Variants in KMT2D observed in about 807,000 individuals in gnomAD.
The protein encoded by KMT2D is lysine methyltransferase 2D.
In KMT2D, 55 loss-of-function variants were observed where a neutral mutation model predicts 512.7. The observed-to-expected ratio is 0.11, with a 90% CI of 0.09 to 0.13. The LOEUF is 0.13. Among genes scored for constraint, KMT2D ranks in the 10% least tolerant of loss-of-function variants. The pLI, the probability that KMT2D is intolerant of heterozygous loss-of-function variation, is 1.00. For synonymous variants in KMT2D, 2,995 were observed against 2,904.0 expected, an observed-to-expected ratio of 1.03 and a Z score of -1.01; for missense variants, 6,061 against 7,127.9, an observed-to-expected ratio of 0.85 and a Z score of 5.39.
rs758499959 is a variant in KMT2D, at chr12:49,050,405, T to C, written c.3183A>G (p.Val1061=). The C allele has an allele frequency of 5.0e-6, 8 of 1,613,586 alleles. No homozygotes were observed. Among genetic ancestry groups the C allele is most frequent in the Non-Finnish European group, 5.9e-6 (7 of 1,179,790 alleles). ...VPSPLSPIGK[V]VGVSDEAELH... ...GCTCAGCCTCATCTGAGACCCCCAC[T>C]ACCTTCCCTATGGGACTCAACGGGG... Residue 1061 remains valine, a synonymous_variant, in exon 12 of 55, where the codon GTA becomes GTG. Coordinates refer to ENST00000301067, the MANE Select transcript of KMT2D (RefSeq NM_003482.4).
Position 49,030,690 on chromosome 12 carries a change from G to A in KMT2D, c.13750C>T (p.Pro4584Ser). ...SLFAPFGSGCPVNGQSQLRGA... is the reference protein window; with the variant it reads ...SLFAPFGSGCSVNGQSQLRGA... ...CTCAGCTGGCTCTGCCCATTGACTG[G>A]GCAGCCACTGCCAAAGGGGGCAAAG... is the stretch of plus-strand genomic sequence containing the variant. The change falls in exon 42 of 55, where the codon CCA becomes TCA. Residue 4584 changes from proline (P) to serine (S), a missense_variant. Transcript: ENST00000301067. The A allele has an allele frequency of 6.2e-7, 1 of 1,613,512 alleles. No individual in the cohort carries two copies. The highest frequency in any genetic ancestry group is 8.5e-7 in the Non-Finnish European group (1 of 1,179,870).
chr12:49,019,023 G>A lies in KMT2D; in HGVS notation c.*2757C>T, dbSNP rs891027323. ...TATTTGTCGTTTAAAAACAAACTTGGAAGAAGCAAAATCCAAAACTTGCCC... is the reference window on the plus strand; with the variant it reads ...TATTTGTCGTTTAAAAACAAACTTGAAAGAAGCAAAATCCAAAACTTGCCC... On this transcript the variant is annotated 3_prime_UTR_variant, in exon 55 of 55. Coordinates refer to ENST00000301067, the MANE Select transcript of KMT2D (RefSeq NM_003482.4). The A allele has an allele frequency of 3.2e-5, 45 of 1,386,462 alleles. No homozygotes were observed. Among genetic ancestry groups the A allele is most frequent in the Non-Finnish European group, 4.0e-5 (43 of 1,072,888 alleles). 85.9% of individuals were successfully genotyped at this position (1,386,462 alleles called of 1,614,324 possible). A position where few individuals can be genotyped will look rare whatever the true frequency, so the allele number is the denominator to read the frequency against.
chr12:49,047,406 CTTTTTTTTTTTTTTTTT>C (rs57252968), intron 15 of KMT2D, among the ~76,000 whole-genome samples: 4 of 93,882 alleles, frequency 4.3e-5, no homozygotes, highest in Non-Finnish European at 7.8e-5. Flanking sequence ...CCAGTTTTTC[CTTTTTTTTTTTTTTTTT>C]TTTTTTTTGA....
rs754609531 is a variant in KMT2D, at chr12:49,039,738, C to G, written c.8032G>C (p.Glu2678Gln). 1.4e-5 allele frequency: 22 copies of G among 1,613,110 alleles called. No individual in the cohort carries two copies. Among genetic ancestry groups the G allele is most frequent in the Non-Finnish European group, 1.9e-5 (22 of 1,179,720 alleles). Reference sequence around the variant, plus strand: ...TGTCAACTTACCTGCCGTTGCTTCTCCAGCTCTGTTTGGCTAAGGCCGGAC... The same window carrying G: ...TGTCAACTTACCTGCCGTTGCTTCTGCAGCTCTGTTTGGCTAAGGCCGGAC... The part of the protein sequence containing the change: ...GMSGLSQTEL[E>Q]KQRQRQRLRE... Residue 2678 changes from glutamate (E) to glutamine (Q), a missense_variant, in exon 32 of 55, where the codon GAG (glutamate) becomes CAG (glutamine). Glu to Gln is a conservative substitution (Grantham distance 29). Around this residue, in one of 16 missense-constraint regions of KMT2D, gnomAD observed 527 missense variants for 578.9 expected, o/e 0.91. Coordinates refer to ENST00000301067, the MANE Select transcript of KMT2D (RefSeq NM_003482.4). The surrounding 1 kb of genome is among the most constrained non-coding windows in gnomAD (Gnocchi z 5.0).
rs1206140407 is a variant in KMT2D, at chr12:49,037,048, G to T, written c.10231+77C>A. The T allele has an allele frequency of 3.3e-6, 5 of 1,495,362 alleles. No individual in the cohort carries two copies. In the African/African-American group the frequency reaches 7.0e-5, roughly 21 times the overall value. The allele number at this position is 1,495,362 out of a possible 1,614,324, so 92.6% of individuals were successfully genotyped here. ...CCATCTTAAGTAGGGATTATCTGAGGTCTCTAGCCTCAGTGCCCATTTAGG... is the reference window on the plus strand; with the variant it reads ...CCATCTTAAGTAGGGATTATCTGAGTTCTCTAGCCTCAGTGCCCATTTAGG... On this transcript the variant is annotated intron_variant, in intron 35 of 54. Transcript: ENST00000301067.
At position 49,034,473 on chromosome 12, in the gene KMT2D, G is replaced by A. The variant is rs201127814; in HGVS notation, c.10444C>T (p.Arg3482Trp). The change falls in exon 38 of 55, where the codon CGG (arginine) becomes TGG (tryptophan). Residue 3482 changes from arginine to tryptophan, a missense_variant. Physicochemically the swap from Arg to Trp is moderately radical, Grantham distance 101. Transcript: ENST00000301067. ...NHVAAGSGQE[R>W]SAGDPSQPRP... ...GGCTGGGAGGGATCACCAGCACTCC[G>A]CTCCTGCAATGAGAGAGGCTGCTAA... 3.1e-5 allele frequency: 50 copies of A among 1,613,592 alleles called. No homozygotes were observed. In the African/African-American group the frequency reaches 4.9e-4, roughly 16 times the overall value.
chr12:49,039,216 C>T lies in KMT2D; in HGVS notation c.8366+6G>A, dbSNP rs749728191. ...TTTACCCCCAGGGAACCTCCTGGAG[C>T]CTCACCGGCTGTTCACATCCATAGA... On this transcript the variant is annotated splice_donor_region_variant and intron_variant, in intron 34 of 54. Coordinates refer to ENST00000301067, the MANE Select transcript of KMT2D (RefSeq NM_003482.4). This position sits in a 1 kb window ranked among gnomAD's most constrained non-coding sequence, Gnocchi z 5.0. 3 of 1,613,476 alleles carry T rather than the reference C, an allele frequency of 1.9e-6. No individual in the cohort carries two copies. Among genetic ancestry groups the T allele is most frequent in the East Asian group, 2.2e-5 (1 of 44,880 alleles).
At chr12:49,029,528 T>C in intron 43 of KMT2D, 52 bp from the exon 44 acceptor site, 4 of 1,338,430 alleles carry the variant, frequency 3.0e-6, no homozygotes, top group South Asian at 2.5e-5. Flanking sequence ...CCAGGGCTGA[T>C]GGTACCTTCT....
intron 43 of KMT2D, 50 bp from the exon 44 acceptor site, chr12:49,029,526 G>A (rs1167929765): frequency 1.5e-6 from 2 of 1,350,530 alleles, no homozygotes; most frequent in Non-Finnish European, 1.0e-6. Context: ...GGCCAGGGCT[G>A]ATGGTACCTT....
In KMT2D at chr12:49,032,940, T is replaced by G; in HGVS notation, c.11765A>C (p.Gln3922Pro). The change falls in exon 40 of 55, where the codon CAG (glutamine) becomes CCG (proline). Residue 3922 changes from glutamine (Q) to proline (P), a missense_variant. Gln to Pro is a moderately conservative substitution (Grantham distance 76). This residue lies in a region of KMT2D where 1,600 missense variants were observed against 1,754.9 expected (regional missense o/e 0.91). Transcript: ENST00000301067. ...CTGTTGCTGCTGAAGTTGCTGTTGC[T>G]GTTGTAGCTGCTGCTGCTGCTGCTG... ...LQQQQQQQLQ[Q>P]QQQLQQQQLQ... is the part of the protein sequence containing the mutation. 1 of 1,550,586 alleles carries G rather than the reference T, an allele frequency of 6.4e-7. No individual in the cohort carries two copies. Among genetic ancestry groups the G allele is most frequent in the South Asian group, 1.2e-5 (1 of 84,012 alleles).
rs1175519293 is a variant in KMT2D, at chr12:49,031,346, G to C, written c.13359C>G (p.Gly4453=). The stretch of plus-strand genomic sequence containing the variant: ...GCAGATGCCCAGCTTCTGAGCGAGG[G>C]CCTGCCAGCAGGAGGTGGTTGCTGG... The part of the protein sequence containing the change: ...PGTSNHLLLA[G]PRSEAGHLLL... Residue 4453 remains glycine (G), a synonymous_variant, in exon 40 of 55, where the codon GGC becomes GGG. Transcript: ENST00000301067. The C allele has an allele frequency of 6.2e-7, 1 of 1,613,536 alleles. No homozygotes were observed. The highest frequency in any genetic ancestry group is 1.7e-5 in the Admixed American group (1 of 60,026).
At position 49,029,164 on chromosome 12, in the gene KMT2D, C is replaced by T. The variant is rs1942759730; in HGVS notation, c.14148G>A (p.Gly4716=). ...GATGAGGGAAACGAGGGGCCTCCTC[C>T]CCCAAGATGCTCTCAGGGGATGAAG... ...VPASSPESIL[G]EEAPRFPHLG... The change falls in exon 45 of 55, where the codon GGG becomes GGA. Residue 4716 remains glycine (G), a synonymous_variant. Transcript: ENST00000301067. The T allele has an allele frequency of 6.2e-7, 1 of 1,613,766 alleles. No homozygotes were observed. Among genetic ancestry groups the T allele is most frequent in the African/African-American group, 1.3e-5 (1 of 74,938 alleles).
rs887898499 is a variant in KMT2D at position 49,026,654 on chromosome 12, G to A, written c.15312C>T (p.Cys5104=). The change falls in exon 49 of 55, where the codon TGC becomes TGT. Residue 5104 remains cysteine, a synonymous_variant. Coordinates refer to ENST00000301067, the MANE Select transcript of KMT2D (RefSeq NM_003482.4). This position sits in a 1 kb window ranked among gnomAD's most constrained non-coding sequence, Gnocchi z 9.6. The stretch of plus-strand genomic sequence containing the variant: ...AGACATTGGGGCAACGCATGCGATT[G>A]CAGCTGCTGGTGGCACCAGTTCGCT... ...LCQRTGATSS[C]NRMRCPNVYH... The A allele has an allele frequency of 7.4e-6, 12 of 1,613,914 alleles. No individual in the cohort carries two copies. The African/African-American group carries it at 1.5e-4, about 20-fold the overall frequency.
rs2120361421 is a variant in KMT2D, at chr12:49,026,659, T to G, written c.15307A>C (p.Ser5103Arg). Residue 5103 changes from serine to arginine, a missense_variant, in exon 49 of 55, where the codon AGC becomes CGC. Coordinates refer to ENST00000301067, the MANE Select transcript of KMT2D (RefSeq NM_003482.4). The surrounding 1 kb of genome is among the most constrained non-coding windows in gnomAD (Gnocchi z 9.6). ...TTGGGGCAACGCATGCGATTGCAGCTGCTGGTGGCACCAGTTCGCTGGCAC... is the reference window on the plus strand; with the variant it reads ...TTGGGGCAACGCATGCGATTGCAGCGGCTGGTGGCACCAGTTCGCTGGCAC... ...SLCQRTGATS[S>R]CNRMRCPNVY... is the part of the protein sequence containing the mutation. 6.2e-7 allele frequency: 1 copy of G among 1,614,048 alleles called. No individual in the cohort carries two copies. Among genetic ancestry groups the G allele is most frequent in the Non-Finnish European group, 8.5e-7 (1 of 1,179,908 alleles).
Position 49,022,216 on chromosome 12 carries a change from C to T in KMT2D, c.16412+64G>A, listed in dbSNP as rs1427098523. 10 of 1,599,106 alleles carry T rather than the reference C, an allele frequency of 6.3e-6. No homozygotes were observed. The highest frequency in any genetic ancestry group is 1.7e-4 in the Middle Eastern group (1 of 6,032). On this transcript the variant is annotated intron_variant, in intron 53 of 54. Coordinates refer to ENST00000301067, the MANE Select transcript of KMT2D (RefSeq NM_003482.4). The surrounding 1 kb of genome is among the most constrained non-coding windows in gnomAD (Gnocchi z 8.6). The stretch of plus-strand genomic sequence containing the variant: ...CTTGGGACAATTTTGATTCCTTGTT[C>T]GTCTATCCCCCAGAGTGCCACTCTC...
At position 49,052,438 on chromosome 12, in the gene KMT2D, A is replaced by G. The variant is rs199555464; in HGVS notation, c.1259-14T>C. 3.8e-5 allele frequency: 58 copies of G among 1,542,596 alleles called. No homozygotes were observed. The Admixed American group carries it at 8.8e-4, about 23-fold the overall frequency. Reference sequence around the variant, plus strand: ...CCCCTGCTTTCCCTGCAGACACAACAACACGATGCTCCTATCTAGCTCAGA... The same window carrying G: ...CCCCTGCTTTCCCTGCAGACACAACGACACGATGCTCCTATCTAGCTCAGA... On this transcript the variant is annotated splice_polypyrimidine_tract_variant and intron_variant, in intron 10 of 54. Coordinates refer to ENST00000301067, the MANE Select transcript of KMT2D (RefSeq NM_003482.4).
chr12:49,027,607 G>A (rs1420338867), intron 48 of KMT2D, among the ~76,000 whole-genome samples, 196 bp downstream of exon 48: 3 of 151,968 alleles, frequency 2.0e-5, no homozygotes, highest in African/African-American at 2.4e-5. Context: ...GCACCATCAC[G>A]CCTGGCTACT....
chr12:49,024,536 C>A lies in KMT2D; in HGVS notation c.16052+42G>T. ...AATGGGACCAGAGGATCCCTGTCAA[C>A]ACCCACACCCACATCCCTTGGCTCC... is the stretch of plus-strand genomic sequence containing the variant. On this transcript the variant is annotated intron_variant, in intron 51 of 54. Coordinates refer to ENST00000301067, the MANE Select transcript of KMT2D (RefSeq NM_003482.4). This position sits in a 1 kb window ranked among gnomAD's most constrained non-coding sequence, Gnocchi z 4.5. The A allele has an allele frequency of 6.4e-7, 1 of 1,563,174 alleles. No individual in the cohort carries two copies.
chr12:49,026,888 C>T lies in KMT2D; in HGVS notation c.15078G>A (p.Pro5026=), dbSNP rs762146012. The change falls in exon 49 of 55, where the codon CCG becomes CCA. Residue 5026 remains proline (P), a synonymous_variant. Transcript: ENST00000301067. This position sits in a 1 kb window ranked among gnomAD's most constrained non-coding sequence, Gnocchi z 9.6. The part of the protein sequence containing the change: ...LGTALRPDKV[P]RDMRRCCFCH... ...AGAAACAGCAGCGACGCATGTCTCG[C>T]GGTACCTTGTCAGGTCGCAAGGCTG... The T allele has an allele frequency of 3.7e-6, 6 of 1,614,028 alleles. No individual in the cohort carries two copies. The highest frequency in any genetic ancestry group is 2.7e-5 in the African/African-American group (2 of 75,062).
Sources: gnomAD v4.1 joint callset for allele counts (sites outside exome capture counted in the v4.1 genomes callset) on GRCh38, gnomAD v4.1.1 for gene constraint, gnomAD v4.1.1 regional missense constraint, Gnocchi (gnomAD v3.1) non-coding constraint, MANE v1.5 for transcripts, NCBI Gene and HGNC (gene_info 2026-07-23, HGNC 2026-07-21) for gene names.